Variants in TENT5D observed in about 807,000 individuals in gnomAD.
The protein encoded by TENT5D is cancer/testis antigen 112.
For missense variants in TENT5D, 191 were observed against 287.0 expected (o/e 0.67, Z 2.42); for synonymous variants, 103 against 100.6 (o/e 1.02, Z -0.15).
At chrX:80,411,211 A>C (rs1232679960) in intron 3 of TENT5D, among the ~76,000 whole-genome samples, 1 of 109,319 alleles carries the variant, frequency 9.1e-6, no homozygotes, top group Non-Finnish European at 1.9e-5. Context: ...AACCTGCACA[A>C]TGTGCACATG....
At chrX:80,349,209 T>C (rs769025194) in intron 3 of TENT5D, among the ~76,000 whole-genome samples, 1 of 112,022 alleles carries the variant, frequency 8.9e-6, no homozygotes, top group South Asian at 3.7e-4. Context: ...TTTTCTATTG[T>C]TTGGAATAGT....
At chrX:80,391,350 T>C (rs1178337238) in intron 3 of TENT5D, among the ~76,000 whole-genome samples, 6 of 111,995 alleles carry the variant, frequency 5.4e-5, no homozygotes, top group Admixed American at 4.8e-4. Flanking sequence ...AAAATGTATT[T>C]GTGAAAAGAT....
upstream of TENT5D, among the ~76,000 whole-genome samples, chrX:80,418,725 A>G (rs1931826574): frequency 8.9e-6 from 1 of 111,897 alleles, no homozygotes; most frequent in Admixed American, 9.5e-5. Context: ...AATTTGACCT[A>G]TATCTGATAT....
chrX:80,408,195 G>C (rs1931548434), intron 3 of TENT5D, among the ~76,000 whole-genome samples: 3 of 105,677 alleles, frequency 2.8e-5, no homozygotes, highest in African/African-American at 6.9e-5. Flanking sequence ...AAAAGAACTA[G>C]AAAAGCAAGA....
chrX:80,397,959 G>C (rs1386769810), intron 3 of TENT5D, among the ~76,000 whole-genome samples: 1 of 109,381 alleles, frequency 9.1e-6, no homozygotes, highest in East Asian at 2.9e-4. Flanking sequence ...GGGCGAGGGA[G>C]GGAGAGGGAG....
intron 3 of TENT5D, among the ~76,000 whole-genome samples, chrX:80,409,566 A>T (rs1242467644): frequency 9.0e-6 from 1 of 110,668 alleles, no homozygotes; most frequent in Non-Finnish European, 1.9e-5. Context: ...TTCAAGCAGA[A>T]CTACAAACCA....
At chrX:80,409,532 C>CT (rs1164419780) in intron 3 of TENT5D, among the ~76,000 whole-genome samples, 2 of 110,531 alleles carry the variant, frequency 1.8e-5, no homozygotes, top group Non-Finnish European at 3.8e-5. Flanking sequence ...AGGAATCCAA[C>CT]TTACAAGGGA....
intron 3 of TENT5D, among the ~76,000 whole-genome samples, chrX:80,375,381 T>C (rs1930706038): frequency 9.0e-6 from 1 of 111,328 alleles, no homozygotes; most frequent in Admixed American, 9.7e-5. Context: ...TTGTAAATTC[T>C]TAGTAGGCAA....
At chrX:80,421,210 G>A (rs757060465) in intron 1 of TENT5D, among the ~76,000 whole-genome samples, 1 of 110,866 alleles carries the variant, frequency 9.0e-6, no homozygotes, top group African/African-American at 3.3e-5. Flanking sequence ...TTTTTTAGAT[G>A]GGGTCTCACT....
At chrX:80,382,266 G>T (rs988558035) in intron 3 of TENT5D, among the ~76,000 whole-genome samples, 2 of 112,006 alleles carry the variant, frequency 1.8e-5, no homozygotes, top group African/African-American at 6.5e-5. Context: ...GACCCTGTTT[G>T]CCTGGGTATC....
chrX:80,386,530 A>G (rs1041525413), intron 3 of TENT5D, among the ~76,000 whole-genome samples: 1 of 111,070 alleles, frequency 9.0e-6, no homozygotes, highest in Non-Finnish European at 1.9e-5. Context: ...CATTGTGCAC[A>G]TGTACCCTAG....
intron 1 of TENT5D, among the ~76,000 whole-genome samples, chrX:80,422,644 A>G (rs948348773): frequency 9.0e-6 from 1 of 110,996 alleles, no homozygotes; most frequent in Non-Finnish European, 1.9e-5. Flanking sequence ...AATGTCTGAG[A>G]GGGTGCGGTG....
intron 3 of TENT5D, among the ~76,000 whole-genome samples, chrX:80,352,742 A>C (rs979580178): frequency 2.8e-5 from 3 of 107,847 alleles, no homozygotes; most frequent in Non-Finnish European, 5.8e-5. Context: ...AAAAAAAAAA[A>C]AAAACTCCTG....
chrX:80,400,172 A>G (rs1458696517), intron 3 of TENT5D, among the ~76,000 whole-genome samples: 1 of 111,607 alleles, frequency 9.0e-6, no homozygotes, highest in Non-Finnish European at 1.9e-5. Context: ...ATTACTATTA[A>G]GTCCTGTACT....
intron 3 of TENT5D, among the ~76,000 whole-genome samples, chrX:80,408,077 G>T (rs1221972966): frequency 1.8e-5 from 2 of 109,540 alleles, no homozygotes; most frequent in South Asian, 8.4e-4. Flanking sequence ...CAACATACCA[G>T]AATCTCTGGG....
In TENT5D at chrX:80,390,487, T is replaced by C. The variant is rs1355645977; in HGVS notation, c.-142+47923T>C. On this transcript the variant is annotated intron_variant, in intron 3 of 4. Coordinates refer to the TENT5D transcript ENST00000538312. ...ATATGATGCAGTGAGACAGAAGTTA[T>C]GATAACTGACGTTATATATAAGGCA... Among the ~76,000 whole-genome samples, 21 of 111,659 alleles carry C rather than the reference T, an allele frequency of 1.9e-4. No homozygotes were observed. The Admixed American group carries it at 1.9e-3, about 10-fold the overall frequency.
At chrX:80,409,876 A>C (rs2147552424) in intron 3 of TENT5D, among the ~76,000 whole-genome samples, 1 of 106,363 alleles carries the variant, frequency 9.4e-6, no homozygotes, top group Admixed American at 1.0e-4. Flanking sequence ...CCAAAACAGC[A>C]TGGTACTGGT....
chrX:80,343,162 G>T (rs1057263500), intron 3 of TENT5D, among the ~76,000 whole-genome samples: 3 of 111,011 alleles, frequency 2.7e-5, no homozygotes, highest in Non-Finnish European at 1.9e-5. Context: ...GTACAGGAGT[G>T]CATTAATGCT....
intron 3 of TENT5D, among the ~76,000 whole-genome samples, chrX:80,345,201 A>G (rs1488314135): frequency 9.0e-6 from 1 of 111,417 alleles, no homozygotes; most frequent in African/African-American, 3.3e-5. Context: ...TCATATGTCT[A>G]GTTTTTCTTG....
Sources: gnomAD v4.1 joint callset for allele counts (sites outside exome capture counted in the v4.1 genomes callset) on GRCh38, gnomAD v4.1.1 for gene constraint, MANE v1.5 for transcripts, NCBI Gene and HGNC (gene_info 2026-07-23, HGNC 2026-07-21) for gene names.